The following TRHDE variants were observed in gnomAD, a reference collection of about 807,000 sequenced individuals.
The protein encoded by TRHDE is thyrotropin-releasing hormone-degrading ectoenzyme.
TRHDE carries 72 observed loss-of-function variants against 125.7 expected under a neutral mutation model. The observed-to-expected ratio is 0.57, with a 90% CI of 0.47 to 0.70. The LOEUF (loss-of-function observed/expected upper bound fraction) is 0.70. Among genes scored for constraint, TRHDE ranks in the 30% least tolerant of loss-of-function variants. TRHDE has a pLI of 0.00. For synonymous variants in TRHDE, 509 were observed against 509.1 expected, an observed-to-expected ratio of 1.00 and a Z score of 0.00; for missense variants, 1,110 against 1,327.1, an observed-to-expected ratio of 0.84 and a Z score of 2.54.
intron 3 of TRHDE, among the ~76,000 whole-genome samples, chr12:72,452,062 C>T (rs772184690): frequency 4.6e-5 from 7 of 152,168 alleles, no homozygotes; most frequent in Non-Finnish European, 1.0e-4. Flanking sequence ...CTCCTGGCCT[C>T]AAGTGATCTG....
intron 1 of TRHDE, among the ~76,000 whole-genome samples, chr12:72,102,881 C>T (rs573322867): frequency 6.6e-6 from 1 of 152,328 alleles, no homozygotes; most frequent in South Asian, 2.1e-4. Context: ...GGCATTGTCA[C>T]AGCAGCAGAG....
chr12:72,369,165 A>T (rs1254810903), intron 2 of TRHDE, among the ~76,000 whole-genome samples: 1 of 152,184 alleles, frequency 6.6e-6, no homozygotes, highest in African/African-American at 2.4e-5. Context: ...ATGAAATTAC[A>T]GAGTAAAGGC....
chr12:72,661,696 C>T (rs1874924722), intron 18 of TRHDE, among the ~76,000 whole-genome samples: 1 of 152,122 alleles, frequency 6.6e-6, no homozygotes, highest in Non-Finnish European at 1.5e-5. Context: ...ATCCCCATGG[C>T]ACAATGTCTG....
chr12:72,550,928 A>G (rs1158322036), intron 7 of TRHDE, among the ~76,000 whole-genome samples: 1 of 151,978 alleles, frequency 6.6e-6, no homozygotes, highest in South Asian at 2.1e-4. Flanking sequence ...CAGTGTATAC[A>G]TTATATCATA....
intron 3 of TRHDE, among the ~76,000 whole-genome samples, chr12:72,421,541 A>G (rs927641188): frequency 1.3e-5 from 2 of 152,192 alleles, no homozygotes; most frequent in Non-Finnish European, 1.5e-5. Flanking sequence ...TCTGGCCTCT[A>G]AAGTTATGTG....
chr12:72,203,110 T>C (rs987064174), intron 2 of TRHDE, among the ~76,000 whole-genome samples: 9 of 152,070 alleles, frequency 5.9e-5, no homozygotes, highest in African/African-American at 1.9e-4. Flanking sequence ...AGTTCATCTT[T>C]GTGTGTGTAT....
chr12:72,430,318 C>T (rs558457780), intron 3 of TRHDE, among the ~76,000 whole-genome samples: 2 of 137,210 alleles, frequency 1.5e-5, no homozygotes, highest in African/African-American at 5.6e-5. Context: ...TGTATATATA[C>T]ATGTATACAT....
intron 15 of TRHDE, among the ~76,000 whole-genome samples, chr12:72,636,033 T>C (rs1471084741): frequency 1.3e-5 from 2 of 150,846 alleles, no homozygotes; most frequent in East Asian, 2.0e-4. Context: ...TTTCCAATTC[T>C]GTGAAGAAAG....
chr12:72,405,115 T>A (rs1009167793), intron 3 of TRHDE, among the ~76,000 whole-genome samples: 2 of 152,180 alleles, frequency 1.3e-5, no homozygotes, highest in Non-Finnish European at 2.9e-5. Flanking sequence ...TAGGGGTTAA[T>A]TCCACTTAAT....
intron 2 of TRHDE, among the ~76,000 whole-genome samples, chr12:72,110,047 C>T (rs1240747037): frequency 6.6e-6 from 1 of 152,062 alleles, no homozygotes; most frequent in African/African-American, 2.4e-5. Flanking sequence ...AAAGCCATCA[C>T]ATCACGTTCC....
rs1435134068 is a variant in TRHDE at position 72,427,501 on chromosome 12, C to T, written c.1316-42257C>T. Among the ~76,000 whole-genome samples the T allele has an allele frequency of 2.6e-5, 4 of 152,050 alleles. No individual in the cohort carries two copies. The East Asian group carries it at 7.7e-4, about 29-fold the overall frequency. On this transcript the variant is annotated intron_variant, in intron 3 of 18. Transcript: ENST00000261180. ...CATTGGTTTTTACTCTTCTTTTAGT[C>T]TCAATACCGTCTCCCTCTATTTGTA... is the stretch of plus-strand genomic sequence containing the variant.
At chr12:72,122,483 T>C (rs1201793894) in intron 2 of TRHDE, among the ~76,000 whole-genome samples, 1 of 152,222 alleles carries the variant, frequency 6.6e-6, no homozygotes, top group Admixed American at 6.5e-5. Flanking sequence ...GTCCCATTTT[T>C]AAAGAAATGT....
At chr12:72,258,347 G>A (rs1878865552) in intron 2 of TRHDE, 1 of 152,118 alleles carries the variant, frequency 6.6e-6, no homozygotes, top group South Asian at 2.1e-4. Context: ...CAACAGAGTA[G>A]ACAAACCCCA....
At position 72,570,578 on chromosome 12, in the gene TRHDE, CAAAAAAA is replaced by C. The variant is rs572094533; in HGVS notation, c.2131+1943_2131+1949del. On this transcript the variant is annotated intron_variant, in intron 10 of 18. Transcript: ENST00000261180. ...CCTGAGTGAGAGAGAGAGACTGTCT[CAAAAAAA>C]AAAAAAAAAAAAAAAAAAAAGAGTA... Among the ~76,000 whole-genome samples, 427 of 58,446 alleles carry C rather than the reference CAAAAAAA, an allele frequency of 7.3e-3. 2 individuals are homozygous for C. Among genetic ancestry groups the C allele is most frequent in the African/African-American group, 0.017 (407 of 24,152 alleles). The allele number at this position is 58,446 out of a possible 152,430, so 38.3% of individuals were successfully genotyped here. A position where few individuals can be genotyped will look rare whatever the true frequency, so the allele number is the denominator to read the frequency against.
chr12:72,417,720 C>G (rs927002930), intron 3 of TRHDE, among the ~76,000 whole-genome samples: 3 of 151,962 alleles, frequency 2.0e-5, no homozygotes, highest in Admixed American at 1.3e-4. Context: ...TTTTTCCTAG[C>G]TTAATTCTGA....
intron 2 of TRHDE, among the ~76,000 whole-genome samples, chr12:72,125,565 T>G (rs565804619): frequency 6.6e-6 from 1 of 152,356 alleles, no homozygotes; most frequent in Admixed American, 6.5e-5. Flanking sequence ...ATGTATTTAA[T>G]GTATTCCTTC....
intron 3 of TRHDE, among the ~76,000 whole-genome samples, chr12:72,420,555 G>A (rs1873910115): frequency 6.6e-6 from 1 of 152,116 alleles, no homozygotes; most frequent in Non-Finnish European, 1.5e-5. Flanking sequence ...ATAGATAGGG[G>A]AATCTGAAAA....
At chr12:72,647,845 A>G (rs1874344779) in intron 15 of TRHDE, among the ~76,000 whole-genome samples, 2 of 152,236 alleles carry the variant, frequency 1.3e-5, no homozygotes, top group South Asian at 4.1e-4. Flanking sequence ...TCTACCAAAC[A>G]TTTAAAGAAT....
At chr12:72,224,452 A>G (rs1225006600) in intron 2 of TRHDE, among the ~76,000 whole-genome samples, 1 of 152,042 alleles carries the variant, frequency 6.6e-6, no homozygotes, top group Non-Finnish European at 1.5e-5. Flanking sequence ...ATTCATACCA[A>G]TTTGCTCCAT....
Sources: gnomAD v4.1 joint callset for allele counts (sites outside exome capture counted in the v4.1 genomes callset) on GRCh38, gnomAD v4.1.1 for gene constraint, MANE v1.5 for transcripts, NCBI Gene and HGNC (gene_info 2026-07-23, HGNC 2026-07-21) for gene names.